The following IL1RAPL2 variants were observed in gnomAD, a reference collection of about 807,000 sequenced individuals.
The protein encoded by IL1RAPL2 is X-linked interleukin-1 receptor accessory protein-like 2.
IL1RAPL2 carries 3 observed loss-of-function variants against 44.1 expected under a neutral mutation model. The ratio of observed to expected loss-of-function variants is 0.07; its 90% CI spans 0.03 to 0.18. IL1RAPL2 has a LOEUF of 0.18. Among genes scored for constraint, IL1RAPL2 ranks in the 10% least tolerant of loss-of-function variants. The pLI, the probability that IL1RAPL2 is intolerant of heterozygous loss-of-function variation, is 1.00. For missense variants in IL1RAPL2, 391 were observed against 496.4 expected (o/e 0.79, Z 2.02); for synonymous variants, 181 against 178.8 (o/e 1.01, Z -0.10).
At chrX:105,294,018 G>T (rs764048605) in intron 5 of IL1RAPL2, among the ~76,000 whole-genome samples, 94 of 112,330 alleles carry the variant, frequency 8.4e-4, no homozygotes, top group Non-Finnish European at 1.5e-3. Context: ...ATATGTAAAT[G>T]ATGTGCTGTT....
At chrX:105,756,544 ATGTCTG>A (rs2038641302) in intron 10 of IL1RAPL2, among the ~76,000 whole-genome samples, 1 of 111,928 alleles carries the variant, frequency 8.9e-6, no homozygotes, top group East Asian at 2.8e-4. Flanking sequence ...GCGTTCATTT[ATGTCTG>A]TGTATGTTGA....
intron 5 of IL1RAPL2, among the ~76,000 whole-genome samples, chrX:105,385,166 G>A (rs2035467085): frequency 9.0e-6 from 1 of 111,307 alleles, no homozygotes; most frequent in Admixed American, 9.6e-5. Flanking sequence ...GTAAAAGTCT[G>A]CATCCTTATC....
intron 10 of IL1RAPL2, among the ~76,000 whole-genome samples, chrX:105,763,225 A>G (rs972738717): frequency 1.8e-5 from 2 of 111,666 alleles, no homozygotes; most frequent in Middle Eastern, 4.6e-3. Flanking sequence ...ACAACTCTTT[A>G]AAAATATATA....
chrX:104,585,957 C>A (rs897494380), intron 1 of IL1RAPL2, among the ~76,000 whole-genome samples: 1 of 110,650 alleles, frequency 9.0e-6, no homozygotes, highest in South Asian at 3.9e-4. Context: ...TGAGTGTGTA[C>A]GCAGTAATGG....
intron 2 of IL1RAPL2, among the ~76,000 whole-genome samples, chrX:105,167,917 C>T (rs7884555): frequency 0.067 from 7,407 of 111,022 alleles, 611 homozygotes; most frequent in African/African-American, 0.23. Context: ...TATTATAATT[C>T]CCCTTGTATA....
intron 1 of IL1RAPL2, among the ~76,000 whole-genome samples, chrX:104,639,666 C>G (rs948228365): frequency 9.0e-6 from 1 of 111,069 alleles, no homozygotes; most frequent in Admixed American, 9.6e-5. Flanking sequence ...GGGTTTAGGA[C>G]TCCCTTAAGT....
intron 2 of IL1RAPL2, among the ~76,000 whole-genome samples, chrX:105,019,196 A>G (rs2031240367): frequency 1.8e-5 from 2 of 112,062 alleles, no homozygotes; most frequent in African/African-American, 6.5e-5. Context: ...CTGGGAGAAT[A>G]TGGCTGTATT....
Position 104,806,633 on chromosome X carries a change from T to C in IL1RAPL2, c.82+147638T>C, listed in dbSNP as rs1467577835. ...AGTCATGGAATGGCTTCCCCCTCCTTTGTGGTACAACACTTGCCATGGGGC... is the reference window on the plus strand; with the variant it reads ...AGTCATGGAATGGCTTCCCCCTCCTCTGTGGTACAACACTTGCCATGGGGC... On this transcript the variant is annotated intron_variant, in intron 2 of 10. Transcript: ENST00000372582. Among the ~76,000 whole-genome samples the C allele has an allele frequency of 5.3e-5, 6 of 112,881 alleles. No homozygotes were observed. The Admixed American group carries it at 5.6e-4, about 11-fold the overall frequency.
chrX:104,660,757 T>A (rs1256957862), intron 2 of IL1RAPL2, among the ~76,000 whole-genome samples: 1 of 106,885 alleles, frequency 9.4e-6, no homozygotes, highest in Non-Finnish European at 1.9e-5. Context: ...GGTAACATGG[T>A]GAAACCCTAT....
intron 5 of IL1RAPL2, among the ~76,000 whole-genome samples, chrX:105,405,019 G>A (rs1407365993): frequency 1.8e-5 from 2 of 111,164 alleles, no homozygotes; most frequent in African/African-American, 6.5e-5. Flanking sequence ...CTCACATATG[G>A]TTATATACAT....
chrX:105,512,705 G>A (rs754771997), intron 6 of IL1RAPL2, among the ~76,000 whole-genome samples: 4 of 111,413 alleles, frequency 3.6e-5, no homozygotes, highest in Non-Finnish European at 7.5e-5. Context: ...AATTACGAGA[G>A]AAATAATCCA....
intron 2 of IL1RAPL2, among the ~76,000 whole-genome samples, chrX:105,014,120 T>G (rs913755489): frequency 1.8e-5 from 2 of 111,385 alleles, no homozygotes; most frequent in Admixed American, 9.5e-5. Flanking sequence ...TTTCTTAAGG[T>G]TTTTTTTAGC....
At chrX:105,025,825 A>C (rs1239360578) in intron 2 of IL1RAPL2, among the ~76,000 whole-genome samples, 2 of 111,457 alleles carry the variant, frequency 1.8e-5, no homozygotes, top group Non-Finnish European at 3.8e-5. Flanking sequence ...AGTGTTGTTT[A>C]AGTAACTGCA....
At chrX:105,074,874 T>G (rs996373265) in intron 2 of IL1RAPL2, among the ~76,000 whole-genome samples, 1 of 110,683 alleles carries the variant, frequency 9.0e-6, no homozygotes, top group African/African-American at 3.3e-5. Context: ...ATGCTTGTGA[T>G]TTTTGCACAT....
intron 6 of IL1RAPL2, among the ~76,000 whole-genome samples, chrX:105,598,158 C>G (rs2037225496): frequency 9.0e-6 from 1 of 111,118 alleles, no homozygotes; most frequent in Non-Finnish European, 1.9e-5. Flanking sequence ...CTGCCATTTA[C>G]AAGCTAGATG....
intron 2 of IL1RAPL2, among the ~76,000 whole-genome samples, chrX:105,086,320 C>T (rs1255007356): frequency 9.0e-6 from 1 of 111,363 alleles, no homozygotes; most frequent in Non-Finnish European, 1.9e-5. Flanking sequence ...CAAATGAAAT[C>T]CTATCCTTTG....
At position 105,629,650 on chromosome X, in the gene IL1RAPL2, A is replaced by T. The variant is rs193243320; in HGVS notation, c.773-87717A>T. ...TCATTCACTGAGCATGTACACAGGG[A>T]TACACACAAAAAAACCCACATAAAC... On this transcript the variant is annotated intron_variant, in intron 6 of 10. Transcript: ENST00000372582. Among the ~76,000 whole-genome samples, 172 of 111,656 alleles carry T rather than the reference A, an allele frequency of 1.5e-3. 1 individual carries two copies. Among genetic ancestry groups the T allele is most frequent in the Non-Finnish European group, 1.8e-3 (98 of 53,097 alleles).
chrX:104,637,036 A>G (rs1444365652), intron 1 of IL1RAPL2, among the ~76,000 whole-genome samples: 1 of 105,109 alleles, frequency 9.5e-6, no homozygotes, highest in Admixed American at 1.0e-4. Context: ...CCTCCACCTC[A>G]TAGGTTAAAT....
intron 2 of IL1RAPL2, among the ~76,000 whole-genome samples, chrX:104,848,677 C>A (rs973148965): frequency 3.7e-5 from 4 of 107,617 alleles, no homozygotes; most frequent in Admixed American, 1.0e-4. Context: ...CTTTTAGTAA[C>A]CTTAATTTTT....
Sources: allele counts gnomAD v4.1 joint callset (sites outside exome capture counted in the v4.1 genomes callset), GRCh38; gene constraint gnomAD v4.1.1; transcripts MANE v1.5; gene names NCBI Gene and HGNC (gene_info 2026-07-23, HGNC 2026-07-21).